Variants in PRKCI observed in about 807,000 individuals in gnomAD.
PRKCI encodes the protein protein kinase C iota, also known as protein kinase C iota type.
In PRKCI, 43 loss-of-function variants were observed where a neutral mutation model predicts 84.0. That is an observed-to-expected ratio of 0.51 (90% CI 0.40 to 0.66). PRKCI has a LOEUF of 0.66. Ranked by LOEUF, PRKCI falls within the 30% of genes least tolerant of loss-of-function variation. The pLI is 0.00. For synonymous variants in PRKCI, 216 were observed against 234.4 expected (o/e 0.92, Z 0.72); for missense variants, 459 against 745.6 (o/e 0.62, Z 4.48).
At chr3:170,233,857 A>T (rs1577340309) in intron 1 of PRKCI, among the ~76,000 whole-genome samples, 1 of 151,378 alleles carries the variant, frequency 6.6e-6, no homozygotes, top group South Asian at 2.1e-4. Context: ...GGTAGCTGGG[A>T]TTATAGGCAC....
At chr3:170,276,227 C>T (rs369963810) in intron 8 of PRKCI, among the ~76,000 whole-genome samples, 52 of 152,174 alleles carry the variant, frequency 3.4e-4, no homozygotes, top group African/African-American at 1.2e-3. Context: ...GCATGAGCCA[C>T]CATGCCCAGC....
chr3:170,251,953 C>T (rs904995262), intron 2 of PRKCI, among the ~76,000 whole-genome samples: 18 of 151,104 alleles, frequency 1.2e-4, no homozygotes, highest in Admixed American at 3.3e-4. Flanking sequence ...CGGTGGCTCA[C>T]GCCTGTAATC....
chr3:170,223,864 GAT>G (rs905794883), intron 1 of PRKCI, among the ~76,000 whole-genome samples: 4 of 152,002 alleles, frequency 2.6e-5, no homozygotes, highest in Non-Finnish European at 5.9e-5. Flanking sequence ...CTCTTGTTTT[GAT>G]TTCAAAGAAA....
chr3:170,229,272 G>T (rs1342473680), intron 1 of PRKCI, among the ~76,000 whole-genome samples: 1 of 152,064 alleles, frequency 6.6e-6, no homozygotes, highest in Non-Finnish European at 1.5e-5. Flanking sequence ...TCATTCCAGG[G>T]TAGACAGACC....
chr3:170,268,143 G>A (rs1191466348), intron 5 of PRKCI, 143 bp downstream of exon 5: 1 of 637,474 alleles, frequency 1.6e-6, no homozygotes, highest in Non-Finnish European at 2.6e-6. Context: ...CAGTTTGCCT[G>A]AGGCAGTATG....
chr3:170,267,821 G>A lies in PRKCI; in HGVS notation c.365-94G>A, dbSNP rs1053174045. 4.9e-6 allele frequency: 4 copies of A among 823,316 alleles called. No homozygotes were observed. The African/African-American group carries it at 5.2e-5, about 11-fold the overall frequency. The allele number at this position is 823,316 out of a possible 1,614,324, so 51.0% of individuals were successfully genotyped here. ...TTTATCAGTATTTTTTTTTCTTGCA[G>A]TGAGTATCATGAAAAAATTACAGAC... On this transcript the variant is annotated intron_variant, in intron 4 of 17. Transcript: ENST00000295797.
chr3:170,234,343 T>A (rs1403728151), intron 1 of PRKCI, among the ~76,000 whole-genome samples: 1 of 152,224 alleles, frequency 6.6e-6, no homozygotes, highest in East Asian at 1.9e-4. Flanking sequence ...ATACTTATAC[T>A]TTTTAAGTAT....
Position 170,259,116 on chromosome 3 carries a change from C to G in PRKCI, c.224-853C>G, listed in dbSNP as rs542725911. On this transcript the variant is annotated intron_variant, in intron 2 of 17. Transcript: ENST00000295797. ...CCAAGATAACACCATTGCACTCCAG[C>G]CTGGGCAACAAGAGCCAAACTCCAT... is the stretch of plus-strand genomic sequence containing the variant. 8.0e-4 allele frequency among the ~76,000 whole-genome samples: 122 copies of G among 152,044 alleles called. 1 individual carries two copies. Among genetic ancestry groups the G allele is most frequent in the African/African-American group, 2.8e-3 (118 of 41,450 alleles).
chr3:170,256,575 G>A (rs781467353), intron 2 of PRKCI, among the ~76,000 whole-genome samples: 4 of 151,884 alleles, frequency 2.6e-5, no homozygotes, highest in African/African-American at 4.8e-5. Context: ...TTTTTAGTCC[G>A]GTTAAAGGTT....
At chr3:170,238,147 G>A (rs1374311587) in intron 2 of PRKCI, among the ~76,000 whole-genome samples, 1 of 152,136 alleles carries the variant, frequency 6.6e-6, no homozygotes, top group African/African-American at 2.4e-5. Context: ...TGGATGGCCT[G>A]AGGTCAGGAG....
At chr3:170,271,818 A>T (rs1163712532) in intron 6 of PRKCI, among the ~76,000 whole-genome samples, 1 of 152,034 alleles carries the variant, frequency 6.6e-6, no homozygotes, top group Non-Finnish European at 1.5e-5. Context: ...CAGAAGGCAC[A>T]TGTGCTTGCC....
chr3:170,230,214 A>G (rs1252503078), intron 1 of PRKCI, among the ~76,000 whole-genome samples: 1 of 145,100 alleles, frequency 6.9e-6, no homozygotes, highest in Non-Finnish European at 1.5e-5. Flanking sequence ...TGCCCAGGGT[A>G]GAACCCAGTG....
intron 6 of PRKCI, among the ~76,000 whole-genome samples, chr3:170,272,926 A>G (rs916447417): frequency 6.6e-6 from 1 of 152,164 alleles, no homozygotes; most frequent in Admixed American, 6.6e-5. Context: ...TCTACCCCGG[A>G]CCCCAGCTAA....
chr3:170,300,870 A>G (rs148610272), intron 17 of PRKCI, among the ~76,000 whole-genome samples: 6 of 152,136 alleles, frequency 3.9e-5, no homozygotes, highest in African/African-American at 1.4e-4. Context: ...AGCACTGCCT[A>G]TTCTGGTTCT....
At chr3:170,242,445 G>GA (rs1171633135) in intron 2 of PRKCI, among the ~76,000 whole-genome samples, 8 of 146,664 alleles carry the variant, frequency 5.5e-5, no homozygotes, top group Non-Finnish European at 7.4e-5. Flanking sequence ...CATCTCAAAA[G>GA]AAAAAAGAAA....
In PRKCI at chr3:170,224,943, C is replaced by T. The variant is rs192423461; in HGVS notation, c.101+2173C>T. On this transcript the variant is annotated intron_variant, in intron 1 of 17. Transcript: ENST00000295797. ...TTAGTTTGACACATGTAAATAGGCCCAGTTAGTAAATGAAAATCATTGTAA... is the reference window on the plus strand; with the variant it reads ...TTAGTTTGACACATGTAAATAGGCCTAGTTAGTAAATGAAAATCATTGTAA... Among the ~76,000 whole-genome samples the T allele has an allele frequency of 3.7e-3, 566 of 152,270 alleles. 3 individuals carry two copies. Among genetic ancestry groups the T allele is most frequent in the African/African-American group, 0.013 (544 of 41,554 alleles).
At chr3:170,279,955 T>C (rs1471399887) in intron 8 of PRKCI, among the ~76,000 whole-genome samples, 8 of 152,180 alleles carry the variant, frequency 5.3e-5, no homozygotes, top group Non-Finnish European at 1.2e-4. Flanking sequence ...CCAAAAGTTA[T>C]CGTATCCTTT....
At chr3:170,265,612 TTC>T (rs922884469) in intron 4 of PRKCI, among the ~76,000 whole-genome samples, 12 of 149,590 alleles carry the variant, frequency 8.0e-5, no homozygotes, top group Non-Finnish European at 1.5e-4. Flanking sequence ...GCTCTAAACT[TTC>T]TTTTTCTTTT....
At chr3:170,239,790 C>G (rs1019088195) in intron 2 of PRKCI, among the ~76,000 whole-genome samples, 1 of 148,768 alleles carries the variant, frequency 6.7e-6, no homozygotes, top group African/African-American at 2.5e-5. Context: ...GAGCAGAGGT[C>G]TTGTCTGTTT....
Sources: gnomAD v4.1 joint callset for allele counts (sites outside exome capture counted in the v4.1 genomes callset) on GRCh38, gnomAD v4.1.1 for gene constraint, MANE v1.5 for transcripts, NCBI Gene and HGNC (gene_info 2026-07-23, HGNC 2026-07-21) for gene names.